The following PAPSS2 variants were observed in gnomAD, a reference collection of about 807,000 sequenced individuals.
PAPSS2 encodes 3'-phosphoadenosine 5'-phosphosulfate synthase 2.
Under a neutral mutation model 66.5 loss-of-function variants are expected in PAPSS2, and 61 were observed. The ratio of observed to expected loss-of-function variants is 0.92; its 90% CI spans 0.75 to 1.14. The LOEUF is 1.14. Among genes scored for constraint, PAPSS2 ranks in the 50% most tolerant of loss-of-function variants. The pLI, the probability that PAPSS2 is intolerant of heterozygous loss-of-function variation, is 0.00. For synonymous variants in PAPSS2, 289 were observed against 287.5 expected, an observed-to-expected ratio of 1.01 and a Z score of -0.05; for missense variants, 708 against 789.6, an observed-to-expected ratio of 0.90 and a Z score of 1.24.
intron 1 of PAPSS2, among the ~76,000 whole-genome samples, chr10:87,691,348 G>A (rs941738301): frequency 8.5e-5 from 13 of 152,082 alleles, no homozygotes; most frequent in African/African-American, 2.7e-4. Context: ...AAAGATAAAC[G>A]TGAGCAAAGC....
intron 9 of PAPSS2, among the ~76,000 whole-genome samples, chr10:87,736,137 T>C (rs1477545851): frequency 6.6e-6 from 1 of 152,150 alleles, no homozygotes; most frequent in African/African-American, 2.4e-5. Flanking sequence ...AGATTGGCTG[T>C]AAGTATTTGT....
chr10:87,689,534 C>T (rs1374198739), intron 1 of PAPSS2, among the ~76,000 whole-genome samples: 3 of 130,314 alleles, frequency 2.3e-5, no homozygotes, highest in Admixed American at 8.1e-5. Context: ...GGCGTGGTGG[C>T]GCATGCCTAT....
intron 1 of PAPSS2, among the ~76,000 whole-genome samples, chr10:87,685,174 C>T (rs1247726128): frequency 1.3e-5 from 2 of 152,152 alleles, no homozygotes; most frequent in African/African-American, 4.8e-5. Flanking sequence ...ATTTAAAAGC[C>T]AAATTAACCC....
At chr10:87,667,170 TTGGC>T (rs1306577355) in intron 1 of PAPSS2, among the ~76,000 whole-genome samples, 2 of 152,176 alleles carry the variant, frequency 1.3e-5, no homozygotes, top group Non-Finnish European at 2.9e-5. Flanking sequence ...TTACAATAAA[TTGGC>T]TGGGTGTGGT....
chr10:87,701,300 T>TCC (rs1853303472), intron 1 of PAPSS2, among the ~76,000 whole-genome samples: 1 of 102,976 alleles, frequency 9.7e-6, no homozygotes, highest in South Asian at 3.8e-4. Flanking sequence ...TTCTTTCTTT[T>TCC]TTCCTTCCTT....
Position 87,706,084 on chromosome 10 carries a change from G to GTATATATATATATA in PAPSS2, c.28-3100_28-3087dup, listed in dbSNP as rs532950801. Among the ~76,000 whole-genome samples, 448 of 59,664 alleles carry GTATATATATATATA rather than the reference G, an allele frequency of 7.5e-3. 1 individual carries two copies. Among genetic ancestry groups the GTATATATATATATA allele is most frequent in the Non-Finnish European group, 9.7e-3 (334 of 34,594 alleles). 39.1% of individuals were successfully genotyped at this position (59,664 alleles called of 152,430 possible). ...AGTGTGCTTTACGTTTCTTCACATGGTATATATATATATATATATATATAT... is the reference window on the plus strand; with the variant it reads ...AGTGTGCTTTACGTTTCTTCACATGGTATATATATATATATATATATATATATATATATATATAT... On this transcript the variant is annotated intron_variant, in intron 1 of 12. Transcript: ENST00000456849.
chr10:87,660,288 CG>C lies in PAPSS2; in HGVS notation c.27+282del. ...ACCTCCCGAGCTTCTCAAGTGGGTCCGGATCTAGATCCAGGACCAGGGACAG... is the reference window on the plus strand; with the variant it reads ...ACCTCCCGAGCTTCTCAAGTGGGTCCGATCTAGATCCAGGACCAGGGACAG... On this transcript the variant is annotated intron_variant, in intron 1 of 12. Transcript: ENST00000456849. The C allele has an allele frequency of 1.2e-5, 7 of 587,844 alleles. No individual in the cohort carries two copies. The South Asian group carries it at 1.4e-4, about 12-fold the overall frequency. 36.4% of individuals were successfully genotyped at this position (587,844 alleles called of 1,614,324 possible). A position where few individuals can be genotyped will look rare whatever the true frequency, so the allele number is the denominator to read the frequency against.
At chr10:87,694,666 T>C (rs754548922) in intron 1 of PAPSS2, among the ~76,000 whole-genome samples, 1 of 152,248 alleles carries the variant, frequency 6.6e-6, no homozygotes, top group East Asian at 1.9e-4. Context: ...GGAACCGGCT[T>C]AGCGGAGGGC....
chr10:87,735,643 G>GT (rs1381465405), intron 9 of PAPSS2, among the ~76,000 whole-genome samples: 1 of 152,146 alleles, frequency 6.6e-6, no homozygotes, highest in Admixed American at 6.5e-5. Flanking sequence ...CTACCGCAGG[G>GT]TTTCTCAGCC....
In PAPSS2 at chr10:87,709,277, A is replaced by AG; in HGVS notation, c.113dup (p.Gly39TrpfsTer48). On this transcript the variant is annotated frameshift_variant, in exon 2 of 13. Transcript: ENST00000456849. LOFTEE classifies it high-confidence loss of function. ...TAAGAGAGGGCAAGTGGTTGGAACA[A>AG]GGGGTGGGTTCCGAGGATGTACCGT... 1 of 1,612,754 alleles carries AG rather than the reference A, an allele frequency of 6.2e-7. No homozygotes were observed. Among genetic ancestry groups the AG allele is most frequent in the African/African-American group, 1.3e-5 (1 of 75,010 alleles).
intron 1 of PAPSS2, among the ~76,000 whole-genome samples, chr10:87,706,011 T>C (rs560919112): frequency 1.3e-3 from 195 of 149,326 alleles, no homozygotes; most frequent in African/African-American, 4.6e-3. Flanking sequence ...GGATTACAGG[T>C]GTGAGCCGCC....
At position 87,727,484 on chromosome 10, in the gene PAPSS2, A is replaced by G. The variant is rs1190108814; in HGVS notation, c.1081A>G (p.Ile361Val). 2 of 1,611,032 alleles carry G rather than the reference A, an allele frequency of 1.2e-6. No individual in the cohort carries two copies. The highest frequency in any genetic ancestry group is 1.7e-6 in the Non-Finnish European group (2 of 1,178,138). The change falls in exon 9 of 13, where the codon ATC becomes GTC. Residue 361 changes from isoleucine to valine, a missense_variant. By Grantham distance (29) the Ile-to-Val change is conservative. Coordinates refer to ENST00000456849, the MANE Select transcript of PAPSS2 (RefSeq NM_001015880.2). ...WGTTCTKHPH[I>V]KMVMESGDWL... ...GACAACATGTACAAAACACCCCCATATCAAAGTAAGTCACAAAACCTTTGG... is the reference window on the plus strand; with the variant it reads ...GACAACATGTACAAAACACCCCCATGTCAAAGTAAGTCACAAAACCTTTGG...
intron 1 of PAPSS2, among the ~76,000 whole-genome samples, chr10:87,677,703 A>G (rs189086349): frequency 4.4e-4 from 67 of 152,304 alleles, no homozygotes; most frequent in Non-Finnish European, 7.8e-4. Context: ...TTGTCCAGTA[A>G]AAACTCTTTA....
chr10:87,666,340 A>G (rs749285814), intron 1 of PAPSS2, among the ~76,000 whole-genome samples: 3 of 152,168 alleles, frequency 2.0e-5, no homozygotes, highest in Non-Finnish European at 2.9e-5. Context: ...AATCTGAATA[A>G]CCTACCCATC....
intron 10 of PAPSS2, among the ~76,000 whole-genome samples, chr10:87,742,474 G>A (rs951395998): frequency 1.3e-5 from 2 of 151,944 alleles, no homozygotes; most frequent in South Asian, 4.2e-4. Flanking sequence ...TAATAGGATT[G>A]GTGATTTTTA....
At chr10:87,694,448 C>A (rs986903499) in intron 1 of PAPSS2, among the ~76,000 whole-genome samples, 1 of 152,170 alleles carries the variant, frequency 6.6e-6, no homozygotes, top group Admixed American at 6.6e-5. Context: ...AGGAAGGCAG[C>A]CAGCACCCAT....
At chr10:87,692,166 G>A (rs1853179955) in intron 1 of PAPSS2, among the ~76,000 whole-genome samples, 1 of 152,130 alleles carries the variant, frequency 6.6e-6, no homozygotes, top group Admixed American at 6.5e-5. Context: ...TTACAAAATG[G>A]GGAGAAGTGT....
At chr10:87,694,175 C>G (rs1853204990) in intron 1 of PAPSS2, among the ~76,000 whole-genome samples, 1 of 152,190 alleles carries the variant, frequency 6.6e-6, no homozygotes, top group African/African-American at 2.4e-5. Flanking sequence ...TCAGGCTTAG[C>G]TTGCTCAAGG....
intron 11 of PAPSS2, 149 bp downstream of exon 11, chr10:87,743,790 A>T: frequency 1.0e-6 from 1 of 978,876 alleles, no homozygotes; most frequent in South Asian, 1.4e-5. Context: ...TAGCTTAATT[A>T]TGTTTCCACT....
Sources: allele counts gnomAD v4.1 joint callset (sites outside exome capture counted in the v4.1 genomes callset), GRCh38; gene constraint gnomAD v4.1.1; transcripts MANE v1.5; gene names NCBI Gene and HGNC (gene_info 2026-07-23, HGNC 2026-07-21).